Variants in TMEM144 observed in about 807,000 individuals in gnomAD.
TMEM144 encodes the protein transmembrane protein 144.
Under a neutral mutation model 43.6 loss-of-function variants are expected in TMEM144, and 39 were observed. The ratio of observed to expected loss-of-function variants is 0.90; its 90% CI spans 0.69 to 1.17. The LOEUF (loss-of-function observed/expected upper bound fraction) is 1.17, where lower values mean the gene tolerates loss of function less well. Ranked by LOEUF, TMEM144 falls within the 50% of genes most tolerant of loss-of-function variation. The pLI, the probability that TMEM144 is intolerant of heterozygous loss-of-function variation, is 0.00. For synonymous variants in TMEM144, 154 were observed against 133.6 expected (o/e 1.15, Z -1.06); for missense variants, 417 against 411.9 (o/e 1.01, Z -0.11).
At chr4:158,231,093 C>CA (rs1735056216) in intron 6 of TMEM144, among the ~76,000 whole-genome samples, 1 of 152,168 alleles carries the variant, frequency 6.6e-6, no homozygotes, top group East Asian at 1.9e-4. Flanking sequence ...CTTTGATATA[C>CA]AGCAGGACCC....
chr4:158,244,422 G>T, intron 12 of TMEM144, 73 bp downstream of exon 12: 1 of 1,286,248 alleles, frequency 7.8e-7, no homozygotes, highest in South Asian at 1.3e-5. Context: ...CGCTTGTCCT[G>T]GCACTTTGGG....
At chr4:158,231,178 G>A (rs898049993) in intron 6 of TMEM144, among the ~76,000 whole-genome samples, 6 of 152,176 alleles carry the variant, frequency 3.9e-5, no homozygotes, top group East Asian at 1.9e-4. Flanking sequence ...TACACAGAAC[G>A]TGGAGGGTTG....
chr4:158,244,424 C>A, intron 12 of TMEM144, 75 bp downstream of exon 12: 1 of 1,269,586 alleles, frequency 7.9e-7, no homozygotes, highest in Non-Finnish European at 1.1e-6. Context: ...CTTGTCCTGG[C>A]ACTTTGGGAG....
chr4:158,253,378 A>G (rs1670857932), intron 12 of TMEM144, 66 bp from the exon 13 acceptor site: 5 of 1,359,318 alleles, frequency 3.7e-6, no homozygotes, highest in Non-Finnish European at 5.2e-6. Flanking sequence ...CAATCTTGAG[A>G]GTCTGTCCAT....
chr4:158,228,015 A>T (rs1348787977), intron 6 of TMEM144, among the ~76,000 whole-genome samples: 1 of 152,204 alleles, frequency 6.6e-6, no homozygotes, highest in Non-Finnish European at 1.5e-5. Flanking sequence ...AGAACGGGTA[A>T]AAAGGCACAC....
intron 6 of TMEM144, among the ~76,000 whole-genome samples, chr4:158,229,628 A>G (rs1430811558): frequency 6.6e-6 from 1 of 152,156 alleles, no homozygotes; most frequent in East Asian, 1.9e-4. Flanking sequence ...TGCAGAGACT[A>G]TGGCCAACCC....
In TMEM144 at chr4:158,223,144, C is replaced by T. The variant is rs144419999; in HGVS notation, c.413+3754C>T. Among the ~76,000 whole-genome samples, 482 of 152,312 alleles carry T rather than the reference C, an allele frequency of 3.2e-3. 2 individuals are homozygous for T. Among genetic ancestry groups the T allele is most frequent in the African/African-American group, 0.011 (454 of 41,576 alleles). ...AGCATTAGTTGCACAGGCTCAAAAT[C>T]ATTGTGTATTCCTAATTTCTTTTTC... On this transcript the variant is annotated intron_variant, in intron 6 of 12. Transcript: ENST00000296529.
rs377306749 is a variant in TMEM144 at position 158,253,577 on chromosome 4, C to G, written c.*50C>G. ...GCAGTAGTTAAGAGAACGCGTCTAT[C>G]GGACAGCGGAGAGATCATGCTGAGA... On this transcript the variant is annotated 3_prime_UTR_variant, in exon 13 of 13. Transcript: ENST00000296529. 715 of 1,444,742 alleles carry G rather than the reference C, an allele frequency of 4.9e-4. 5 individuals carry two copies. Among genetic ancestry groups the G allele is most frequent in the Non-Finnish European group, 9.1e-5 (94 of 1,030,328 alleles). 89.5% of individuals were successfully genotyped at this position (1,444,742 alleles called of 1,614,324 possible). A position where few individuals can be genotyped will look rare whatever the true frequency, so the allele number is the denominator to read the frequency against.
At chr4:158,245,213 A>AGTGTGTGTGTGTGTGTGTGT (rs759486531) in intron 12 of TMEM144, among the ~76,000 whole-genome samples, 1 of 125,600 alleles carries the variant, frequency 8.0e-6, no homozygotes. Context: ...TTCTAGTAAG[A>AGTGTGTGTGTGTGTGTGTGT]GTGTGTGTGT....
intron 11 of TMEM144, among the ~76,000 whole-genome samples, chr4:158,243,763 T>C (rs1735738830): frequency 6.6e-6 from 1 of 152,210 alleles, no homozygotes; most frequent in African/African-American, 2.4e-5. Context: ...TTTTTTAGCA[T>C]TCATTGGTGT....
chr4:158,232,994 A>G lies in TMEM144; in HGVS notation c.495+12A>G, dbSNP rs1313292291. ...TAATAACAGAGCATGTGAGTATAGT[A>G]TGAGAGACAACTTGATTTGAAACAT... On this transcript the variant is annotated intron_variant, in intron 7 of 12. Coordinates refer to ENST00000296529, the MANE Select transcript of TMEM144 (RefSeq NM_018342.5). 2.6e-6 allele frequency: 4 copies of G among 1,550,094 alleles called. No individual in the cohort carries two copies. Among genetic ancestry groups the G allele is most frequent in the East Asian group, 2.3e-5 (1 of 44,150 alleles).
At position 158,212,663 on chromosome 4, in the gene TMEM144, G is replaced by A. The variant is rs1032854699; in HGVS notation, c.-5G>A. 1 of 1,603,904 alleles carries A rather than the reference G, an allele frequency of 6.2e-7. No individual in the cohort carries two copies. Among genetic ancestry groups the A allele is most frequent in the Non-Finnish European group, 8.5e-7 (1 of 1,174,786 alleles). On this transcript the variant is annotated 5_prime_UTR_variant, in exon 3 of 13. Coordinates refer to ENST00000296529, the MANE Select transcript of TMEM144 (RefSeq NM_018342.5). ...TGAACCAGCTAACTCATTAAGACTG[G>A]AATCATGAGCAACAATGGAGCAGAC...
rs751569198 is a variant in TMEM144, at chr4:158,237,604, A to C, written c.643A>C (p.Lys215Gln). 7 of 1,613,810 alleles carry C rather than the reference A, an allele frequency of 4.3e-6. No homozygotes were observed. The South Asian group carries it at 7.7e-5, about 18-fold the overall frequency. The change falls in exon 9 of 13, where the codon AAA becomes CAA. Residue 215 changes from lysine (K) to glutamine (Q), a missense_variant. Lys to Gln is a moderately conservative substitution (Grantham distance 53, BLOSUM62 1). Coordinates refer to ENST00000296529, the MANE Select transcript of TMEM144 (RefSeq NM_018342.5). ...VPIIYIKDHS[K>Q]RNDSIYAGAS... ...AATCATCTACATCAAGGACCACAGCAAAAGAAATGATAGTATATATGCAGG... is the reference window on the plus strand; with the variant it reads ...AATCATCTACATCAAGGACCACAGCCAAAGAAATGATAGTATATATGCAGG...
At chr4:158,241,314 C>T (rs988728672) in intron 10 of TMEM144, among the ~76,000 whole-genome samples, 195 bp from the exon 11 acceptor site, 2 of 151,942 alleles carry the variant, frequency 1.3e-5, no homozygotes, top group African/African-American at 4.8e-5. Context: ...ATTGATCACT[C>T]TACCCATAGC....
In TMEM144 at chr4:158,232,991, A is replaced by G. The variant is rs1384080010; in HGVS notation, c.495+9A>G. ...CATTAATAACAGAGCATGTGAGTATAGTATGAGAGACAACTTGATTTGAAA... is the reference window on the plus strand; with the variant it reads ...CATTAATAACAGAGCATGTGAGTATGGTATGAGAGACAACTTGATTTGAAA... On this transcript the variant is annotated intron_variant, in intron 7 of 12. Coordinates refer to ENST00000296529, the MANE Select transcript of TMEM144 (RefSeq NM_018342.5). The G allele has an allele frequency of 5.1e-6, 8 of 1,558,302 alleles. No individual in the cohort carries two copies. The highest frequency in any genetic ancestry group is 8.7e-7 in the Non-Finnish European group (1 of 1,143,702).
chr4:158,236,580 C>G (rs1735359662), intron 8 of TMEM144, among the ~76,000 whole-genome samples: 1 of 152,096 alleles, frequency 6.6e-6, no homozygotes, highest in African/African-American at 2.4e-5. Context: ...TCTACAGGCT[C>G]ATGTTACTTT....
At chr4:158,216,446 G>A (rs909568505) in intron 4 of TMEM144, among the ~76,000 whole-genome samples, 1 of 152,018 alleles carries the variant, frequency 6.6e-6, no homozygotes, top group Non-Finnish European at 1.5e-5. Context: ...GAAAATGATG[G>A]GTTCAGCTTG....
At chr4:158,242,508 G>A (rs145679245) in intron 11 of TMEM144, among the ~76,000 whole-genome samples, 1,627 of 152,168 alleles carry the variant, frequency 0.011, 30 homozygotes, top group African/African-American at 0.035. Context: ...TATGAATATG[G>A]TCAATCAATT....
chr4:158,236,364 A>G (rs544617764), intron 8 of TMEM144, among the ~76,000 whole-genome samples: 67 of 152,212 alleles, frequency 4.4e-4, no homozygotes, highest in African/African-American at 1.6e-3. Flanking sequence ...CAAACAAAAA[A>G]TTTTTTCAAA....
Sources: gnomAD v4.1 joint callset for allele counts (sites outside exome capture counted in the v4.1 genomes callset) on GRCh38, gnomAD v4.1.1 for gene constraint, MANE v1.5 for transcripts, NCBI Gene and HGNC (gene_info 2026-07-23, HGNC 2026-07-21) for gene names.